ADGRL3: variants seen among roughly 807,000 people sequenced by gnomAD.
ADGRL3 encodes the protein calcium-independent alpha-latrotoxin receptor 3.
ADGRL3 carries 62 observed loss-of-function variants against 153.5 expected under a neutral mutation model. The observed-to-expected ratio is 0.40, with a 90% confidence interval of 0.33 to 0.50. The LOEUF is 0.50. Among genes scored for constraint, ADGRL3 ranks in the 20% least tolerant of loss-of-function variants. The probability of loss-of-function intolerance (pLI) is 0.47; values close to 1 mark genes in which losing one functional copy is unlikely to be tolerated. For missense variants in ADGRL3, 1,641 were observed against 1,859.4 expected (o/e 0.88, Z 2.16); for synonymous variants, 710 against 672.5 (o/e 1.06, Z -0.86).
chr4:61,804,995 G>A (rs561705325), intron 8 of ADGRL3, among the ~76,000 whole-genome samples: 23 of 144,184 alleles, frequency 1.6e-4, no homozygotes, highest in South Asian at 4.3e-4. Context: ...TCATTCTGTC[G>A]CCCAGGCTGG....
chr4:62,051,966 T>C (rs1414472621), intron 25 of ADGRL3, among the ~76,000 whole-genome samples: 2 of 151,734 alleles, frequency 1.3e-5, no homozygotes, highest in Admixed American at 1.3e-4. Context: ...TGTTCTTTTC[T>C]CTGATAGAAC....
At chr4:61,521,655 G>T (rs988551566) in intron 4 of ADGRL3, among the ~76,000 whole-genome samples, 2 of 152,088 alleles carry the variant, frequency 1.3e-5, no homozygotes, top group African/African-American at 4.8e-5. Flanking sequence ...ACAGGACTTA[G>T]ATATTCATTG....
intron 4 of ADGRL3, among the ~76,000 whole-genome samples, chr4:61,537,552 A>G (rs1420835841): frequency 6.6e-6 from 1 of 152,086 alleles, no homozygotes; most frequent in Admixed American, 6.5e-5. Context: ...ATATTTCTCA[A>G]AGGCTTTGTT....
At position 61,215,773 on chromosome 4, in the gene ADGRL3, C is replaced by T. The variant is rs184971751; in HGVS notation, c.-240+14008C>T. Among the ~76,000 whole-genome samples the T allele has an allele frequency of 2.9e-3, 433 of 151,498 alleles. 5 individuals carry two copies. The highest frequency in any genetic ancestry group is 9.8e-3 in the African/African-American group (406 of 41,302). ...TTCGCCGTGTTAGCCAGGATGGTGT[C>T]GATCTCCTGACCTCGTGATCCATCC... is the stretch of plus-strand genomic sequence containing the variant. On this transcript the variant is annotated intron_variant, in intron 1 of 26. Coordinates refer to ENST00000683033, the MANE Select transcript of ADGRL3 (RefSeq NM_001387552.1).
At chr4:61,586,994 A>G (rs2098949037) in intron 4 of ADGRL3, among the ~76,000 whole-genome samples, 1 of 152,092 alleles carries the variant, frequency 6.6e-6, no homozygotes, top group African/African-American at 2.4e-5. Flanking sequence ...TTTCATTTAT[A>G]AGAAAAAAAG....
At chr4:61,852,178 C>T (rs2098212501) in intron 9 of ADGRL3, among the ~76,000 whole-genome samples, 1 of 152,076 alleles carries the variant, frequency 6.6e-6, no homozygotes, top group African/African-American at 2.4e-5. Flanking sequence ...ATGTTTTCTA[C>T]ACTCTGCTTA....
chr4:62,030,156 A>T (rs998540659), intron 22 of ADGRL3, among the ~76,000 whole-genome samples: 1 of 151,622 alleles, frequency 6.6e-6, no homozygotes, highest in African/African-American at 2.4e-5. Context: ...TTTTAATAAG[A>T]CTTTAATAAT....
At chr4:61,628,708 T>C (rs2092979270) in intron 5 of ADGRL3, among the ~76,000 whole-genome samples, 1 of 152,148 alleles carries the variant, frequency 6.6e-6, no homozygotes, top group Non-Finnish European at 1.5e-5. Context: ...CTTGTTCAGG[T>C]TTTGAGGGAA....
At chr4:61,352,302 T>C (rs1578391707) in intron 1 of ADGRL3, among the ~76,000 whole-genome samples, 2 of 152,338 alleles carry the variant, frequency 1.3e-5, no homozygotes, top group East Asian at 3.9e-4. Flanking sequence ...ATTGTTAGCA[T>C]TTTTAGCAAT....
chr4:61,967,128 T>A (rs572803395), intron 17 of ADGRL3, among the ~76,000 whole-genome samples: 5 of 152,236 alleles, frequency 3.3e-5, no homozygotes, highest in African/African-American at 1.2e-4. Flanking sequence ...GTAGGGCCAA[T>A]AGTGTGAAAA....
At chr4:61,453,236 G>A (rs1367865827) in intron 2 of ADGRL3, among the ~76,000 whole-genome samples, 1 of 151,244 alleles carries the variant, frequency 6.6e-6, no homozygotes, top group Non-Finnish European at 1.5e-5. Flanking sequence ...TTGGTAACAT[G>A]TGAGAAATAT....
intron 2 of ADGRL3, among the ~76,000 whole-genome samples, chr4:61,460,357 T>C (rs1214518963): frequency 6.6e-6 from 1 of 152,132 alleles, no homozygotes; most frequent in Non-Finnish European, 1.5e-5. Context: ...AGTGGAATAC[T>C]ATTCAGCCAT....
chr4:61,515,750 A>T (rs773265633), intron 3 of ADGRL3, among the ~76,000 whole-genome samples: 10 of 152,188 alleles, frequency 6.6e-5, no homozygotes, highest in Non-Finnish European at 1.3e-4. Flanking sequence ...AGTAACAAAG[A>T]TATTAGAGAA....
intron 1 of ADGRL3, among the ~76,000 whole-genome samples, chr4:61,229,892 C>A (rs1003944048): frequency 3.4e-4 from 1 of 2,924 alleles, no homozygotes; most frequent in African/African-American, 3.7e-4. Flanking sequence ...CAGAGTGAGA[C>A]CCTGTTCTTA....
At chr4:61,997,673 T>A (rs906536798) in intron 20 of ADGRL3, among the ~76,000 whole-genome samples, 1 of 152,292 alleles carries the variant, frequency 6.6e-6, no homozygotes, top group Non-Finnish European at 1.5e-5. Flanking sequence ...TTTCCTTTAC[T>A]TTAGTCCTCA....
intron 9 of ADGRL3, among the ~76,000 whole-genome samples, chr4:61,834,792 A>AACTTAT (rs1198461385): frequency 6.2e-4 from 95 of 152,186 alleles, no homozygotes; most frequent in South Asian, 1.2e-3. Flanking sequence ...TACAGTGTTG[A>AACTTAT]AGTGAACAGC....
chr4:61,735,478 T>A (rs143318312), intron 8 of ADGRL3, among the ~76,000 whole-genome samples: 43 of 152,332 alleles, frequency 2.8e-4, no homozygotes, highest in African/African-American at 1.0e-3. Context: ...TTTTTGTTTG[T>A]TTTTTTAACC....
intron 2 of ADGRL3, among the ~76,000 whole-genome samples, chr4:61,488,025 A>G (rs779459716): frequency 2.2e-4 from 33 of 152,030 alleles, no homozygotes; most frequent in Non-Finnish European, 4.3e-4. Context: ...GTGGGATCTC[A>G]GAAAAGATGT....
intron 25 of ADGRL3, among the ~76,000 whole-genome samples, chr4:62,056,511 T>C (rs942753143): frequency 3.3e-5 from 5 of 151,990 alleles, no homozygotes; most frequent in African/African-American, 1.2e-4. Flanking sequence ...GTTAAGGATT[T>C]CCCAACTTCA....
Sources: gnomAD v4.1 joint callset for allele counts (sites outside exome capture counted in the v4.1 genomes callset) on GRCh38, gnomAD v4.1.1 for gene constraint, MANE v1.5 for transcripts, NCBI Gene and HGNC (gene_info 2026-07-23, HGNC 2026-07-21) for gene names.